Variants in CYFIP1 observed in about 807,000 individuals in gnomAD.
CYFIP1 encodes cytoplasmic FMR1 interacting protein 1.
Under a neutral mutation model 163.5 loss-of-function variants are expected in CYFIP1, and 58 were observed. The observed-to-expected ratio is 0.35, with a 90% CI of 0.29 to 0.44. The LOEUF (loss-of-function observed/expected upper bound fraction) is 0.44, where lower values mean the gene tolerates loss of function less well. Among genes scored for constraint, CYFIP1 ranks in the 20% least tolerant of loss-of-function variants. The pLI is 1.00. For synonymous variants in CYFIP1, 663 were observed against 660.7 expected, an observed-to-expected ratio of 1.00 and a Z score of -0.05; for missense variants, 1,338 against 1,653.8, an observed-to-expected ratio of 0.81 and a Z score of 3.31.
rs1214954434 is a variant in CYFIP1, at chr15:22,867,883, C to T, written c.*2145G>A. On this transcript the variant is annotated 3_prime_UTR_variant, in exon 31 of 31. Coordinates refer to ENST00000617928, the MANE Select transcript of CYFIP1 (RefSeq NM_014608.6). ...GAAGAAGTCGATGGAAAACTGCAAACATATGCAGAAAAGGTAGAATAATAA... is the reference window on the plus strand; with the variant it reads ...GAAGAAGTCGATGGAAAACTGCAAATATATGCAGAAAAGGTAGAATAATAA... 5 of 152,312 alleles carry T rather than the reference C, an allele frequency of 3.3e-5. No individual in the cohort carries two copies. The highest frequency in any genetic ancestry group is 2.1e-4 in the South Asian group (1 of 4,824). 9.4% of individuals were successfully genotyped at this position (152,312 alleles called of 1,614,324 possible).
chr15:22,953,267 A>G (rs920320453), intron 1 of CYFIP1, among the ~76,000 whole-genome samples: 1 of 152,132 alleles, frequency 6.6e-6, no homozygotes. Flanking sequence ...CACTCCACAC[A>G]GGCACATCAG....
At chr15:22,889,332 G>A (rs868130352) in intron 23 of CYFIP1, among the ~76,000 whole-genome samples, 2 of 152,218 alleles carry the variant, frequency 1.3e-5, no homozygotes, top group African/African-American at 4.8e-5. Context: ...CTCTGGCAGT[G>A]TAGGGGCTGA....
intron 22 of CYFIP1, among the ~76,000 whole-genome samples, chr15:22,900,646 C>T (rs147952521): frequency 0.02 from 2,978 of 151,440 alleles, 99 homozygotes; most frequent in African/African-American, 0.068. Flanking sequence ...AGGATCTGCC[C>T]GCCTCGGCCT....
chr15:22,893,672 C>G (rs955311875), intron 22 of CYFIP1, among the ~76,000 whole-genome samples: 3 of 152,166 alleles, frequency 2.0e-5, no homozygotes, highest in Admixed American at 6.5e-5. Context: ...ACAATGTGTG[C>G]ATCTGAGAGG....
intron 1 of CYFIP1, among the ~76,000 whole-genome samples, chr15:22,967,089 T>G (rs2062937364): frequency 6.6e-6 from 1 of 152,096 alleles, no homozygotes; most frequent in Non-Finnish European, 1.5e-5. Context: ...TTATTTAAAC[T>G]TTTCCAAGCA....
rs368541894 is a variant in CYFIP1 at position 22,886,413 on chromosome 15, T to C, written c.2677-3402A>G. Among the ~76,000 whole-genome samples, 47 of 152,236 alleles carry C rather than the reference T, an allele frequency of 3.1e-4. 1 individual carries two copies. The East Asian group carries it at 7.5e-3, about 24-fold the overall frequency. On this transcript the variant is annotated intron_variant, in intron 23 of 30. Coordinates refer to ENST00000617928, the MANE Select transcript of CYFIP1 (RefSeq NM_014608.6). Reference sequence around the variant, plus strand: ...GCACTTTAGCTGTATACCAAATAAATCAAATAAATAAATCGAATAATCAAA... The same window carrying C: ...GCACTTTAGCTGTATACCAAATAAACCAAATAAATAAATCGAATAATCAAA...
chr15:22,883,543 C>G (rs539653436), intron 23 of CYFIP1, among the ~76,000 whole-genome samples: 1 of 152,148 alleles, frequency 6.6e-6, no homozygotes, highest in African/African-American at 2.4e-5. Context: ...TTAGGCCAGG[C>G]GCGGCGACTC....
chr15:22,907,722 G>C (rs2060632060), intron 21 of CYFIP1, among the ~76,000 whole-genome samples: 1 of 152,174 alleles, frequency 6.6e-6, no homozygotes, highest in Admixed American at 6.5e-5. Flanking sequence ...AGATTCAAAG[G>C]CACCACAGGC....
At chr15:22,941,803 T>C (rs1463597684) in intron 6 of CYFIP1, among the ~76,000 whole-genome samples, 2 of 151,158 alleles carry the variant, frequency 1.3e-5, no homozygotes, top group African/African-American at 4.9e-5. Flanking sequence ...GTGCTAGTGC[T>C]AAAAGGAAAA....
At chr15:22,906,109 AT>A (rs920669287) in intron 21 of CYFIP1, among the ~76,000 whole-genome samples, 47 of 137,276 alleles carry the variant, frequency 3.4e-4, no homozygotes, top group East Asian at 1.5e-3. Flanking sequence ...TTCTCGATTT[AT>A]TTTTTTTTTT....
chr15:22,940,972 G>T (rs182225815), intron 6 of CYFIP1, among the ~76,000 whole-genome samples: 2 of 152,156 alleles, frequency 1.3e-5, no homozygotes, highest in South Asian at 2.1e-4. Flanking sequence ...TCCAGGAGAC[G>T]CAGAGGTTGC....
intron 9 of CYFIP1, among the ~76,000 whole-genome samples, chr15:22,936,249 AAAAC>A (rs1239517053): frequency 2.6e-5 from 4 of 152,176 alleles, no homozygotes; most frequent in African/African-American, 9.7e-5. Context: ...AAAACAAAAC[AAAAC>A]AAACAAACAA....
chr15:22,878,662 C>A, intron 26 of CYFIP1, among the ~76,000 whole-genome samples: 1 of 138,324 alleles, frequency 7.2e-6, no homozygotes, highest in African/African-American at 2.8e-5. Context: ...GTTCCATGTG[C>A]AGATGGTAGA....
chr15:22,965,886 C>G (rs148318778), intron 1 of CYFIP1, among the ~76,000 whole-genome samples: 2 of 152,098 alleles, frequency 1.3e-5, no homozygotes, highest in Non-Finnish European at 2.9e-5. Flanking sequence ...GAAGAGCCCA[C>G]GTTTTAACAA....
intron 17 of CYFIP1, among the ~76,000 whole-genome samples, chr15:22,914,232 G>A (rs2060892601): frequency 6.6e-6 from 1 of 152,088 alleles, no homozygotes; most frequent in African/African-American, 2.4e-5. Context: ...CCTGCACTAC[G>A]AAGGCCTGGG....
At chr15:22,939,764 T>C (rs7403405) in intron 6 of CYFIP1, among the ~76,000 whole-genome samples, 72,594 of 151,842 alleles carry the variant, frequency 0.48, 17,570 homozygotes, top group Middle Eastern at 0.58. Context: ...TGGTCACAGC[T>C]GACGGCTCCC....
chr15:22,916,872 G>C, intron 15 of CYFIP1: 1 of 1,552,036 alleles, frequency 6.4e-7, no homozygotes, highest in Non-Finnish European at 8.7e-7. Context: ...AGAAACAAAT[G>C]ATGTCTTACC....
In CYFIP1 at chr15:22,977,597, G is replaced by A. The variant is rs949189200; in HGVS notation, c.-7+2690C>T. Among the ~76,000 whole-genome samples, 7 of 152,288 alleles carry A rather than the reference G, an allele frequency of 4.6e-5. No homozygotes were observed. In the East Asian group the frequency reaches 1.2e-3, roughly 25 times the overall value. ...TGTAATCCCAGCACGTTGGGAGGCC[G>A]AGGTGGGTGGATCACCTGAGGTCAG... On this transcript the variant is annotated intron_variant, in intron 1 of 30. Coordinates refer to ENST00000617928, the MANE Select transcript of CYFIP1 (RefSeq NM_014608.6).
chr15:22,953,363 C>T (rs1472550582), intron 1 of CYFIP1, among the ~76,000 whole-genome samples: 1 of 149,220 alleles, frequency 6.7e-6, no homozygotes, highest in East Asian at 1.9e-4. Flanking sequence ...TTTGCTCCGT[C>T]TCTAACTGCC....
Sources: allele counts gnomAD v4.1 joint callset (sites outside exome capture counted in the v4.1 genomes callset), GRCh38; gene constraint gnomAD v4.1.1; transcripts MANE v1.5; gene names NCBI Gene and HGNC (gene_info 2026-07-23, HGNC 2026-07-21).